The following USP40 variants were observed in gnomAD, a reference collection of about 807,000 sequenced individuals.
The protein encoded by USP40 is ubiquitin carboxyl-terminal hydrolase 40.
USP40 carries 143 observed loss-of-function variants against 166.2 expected under a neutral mutation model. The observed-to-expected ratio is 0.86, with a 90% CI of 0.75 to 0.99. The LOEUF is 0.99. USP40 is among the 50% of genes least tolerant of loss of function. USP40 has a pLI of 0.00. For missense variants in USP40, 1,444 were observed against 1,479.7 expected (o/e 0.98, Z 0.40); for synonymous variants, 498 against 524.0 (o/e 0.95, Z 0.68).
At chr2:233,496,338 G>T (rs1226202269) in intron 24 of USP40, among the ~76,000 whole-genome samples, 1 of 152,208 alleles carries the variant, frequency 6.6e-6, no homozygotes, top group Non-Finnish European at 1.5e-5. Flanking sequence ...CTTTCAAGAG[G>T]TCACACCTTT....
chr2:233,561,087 G>A, intron 3 of USP40: 2 of 1,443,024 alleles, frequency 1.4e-6, no homozygotes, highest in Non-Finnish European at 9.5e-7. Context: ...TTGTGAACAA[G>A]CCACTTAATT....
Position 233,488,354 on chromosome 2 carries a change from T to C in USP40, c.3132-50A>G. ...TATTGAGTGACATAACATTTAATTT[T>C]CTTGAATTTTTTTTCCCCCAATTTT... is the stretch of plus-strand genomic sequence containing the variant. On this transcript the variant is annotated intron_variant, in intron 27 of 31. Coordinates refer to ENST00000678225, the MANE Select transcript of USP40 (RefSeq NM_001365479.2). The C allele has an allele frequency of 2.0e-6, 3 of 1,496,276 alleles. 1 individual carries two copies. In the African/African-American group the frequency reaches 4.3e-5, roughly 21 times the overall value. 92.7% of individuals were successfully genotyped at this position (1,496,276 alleles called of 1,614,324 possible).
intron 31 of USP40, among the ~76,000 whole-genome samples, chr2:233,477,776 C>G (rs2064265895): frequency 6.6e-6 from 1 of 152,260 alleles, no homozygotes; most frequent in Admixed American, 6.5e-5. Flanking sequence ...AAATGCCTCA[C>G]AGCTGAGAAA....
chr2:233,528,130 C>T (rs2068197652), intron 12 of USP40, among the ~76,000 whole-genome samples: 1 of 152,092 alleles, frequency 6.6e-6, no homozygotes, highest in African/African-American at 2.4e-5. Flanking sequence ...ATGTGTGTGC[C>T]ACCATGCCTG....
At chr2:233,517,273 T>TA (rs898619867) in intron 18 of USP40, among the ~76,000 whole-genome samples, 7 of 151,934 alleles carry the variant, frequency 4.6e-5, no homozygotes, top group African/African-American at 1.7e-4. Flanking sequence ...GGAGATTCCT[T>TA]AAAGAACTAA....
At chr2:233,499,691 A>G (rs2065950815) in intron 22 of USP40, among the ~76,000 whole-genome samples, 188 bp downstream of exon 22, 1 of 152,172 alleles carries the variant, frequency 6.6e-6, no homozygotes, top group East Asian at 1.9e-4. Context: ...TCAGAGCTAT[A>G]CCATTAGTTT....
At chr2:233,482,180 A>C (rs1233992754) in intron 30 of USP40, among the ~76,000 whole-genome samples, 1 of 152,180 alleles carries the variant, frequency 6.6e-6, no homozygotes, top group African/African-American at 2.4e-5. Flanking sequence ...ATGATAAGCC[A>C]ATATTATAAT....
Position 233,486,056 on chromosome 2 carries a change from G to A in USP40, c.3198-79C>T, listed in dbSNP as rs2064928688. 7.0e-7 allele frequency: 1 copy of A among 1,430,174 alleles called. No homozygotes were observed. The highest frequency in any genetic ancestry group is 9.3e-7 in the Non-Finnish European group (1 of 1,071,708). 88.6% of individuals were successfully genotyped at this position (1,430,174 alleles called of 1,614,324 possible). On this transcript the variant is annotated intron_variant, in intron 28 of 31. Transcript: ENST00000678225. This position sits in a 1 kb window ranked among gnomAD's most constrained non-coding sequence, Gnocchi z 4.0. The stretch of plus-strand genomic sequence containing the variant: ...GGTAACTTGAGGCATAATGGGCAAA[G>A]CTTCTCCTCCAGCTTTTCTGGTTTT...
At position 233,515,675 on chromosome 2, in the gene USP40, A is replaced by C. The variant is rs573604024; in HGVS notation, c.2384-3053T>G. 3.3e-5 allele frequency among the ~76,000 whole-genome samples: 5 copies of C among 152,248 alleles called. No homozygotes were observed. The South Asian group carries it at 1.0e-3, about 32-fold the overall frequency. ...TTTCAAATGCTTTTTGAAGAGTAGA[A>C]GTTTAAAATTTTAATGTAAATTAAT... On this transcript the variant is annotated intron_variant, in intron 18 of 31. Transcript: ENST00000678225.
intron 16 of USP40, among the ~76,000 whole-genome samples, chr2:233,522,077 T>C (rs1288371335): frequency 6.6e-6 from 1 of 152,144 alleles, no homozygotes; most frequent in African/African-American, 2.4e-5. Context: ...AGGAGCACAG[T>C]TAGGCAAACT....
chr2:233,565,414 A>G lies in USP40; in HGVS notation c.141T>C (p.Gly47=). 6.5e-7 allele frequency: 1 copy of G among 1,537,300 alleles called. No homozygotes were observed. Among genetic ancestry groups the G allele is most frequent in the Non-Finnish European group, 8.7e-7 (1 of 1,146,878 alleles). The change falls in exon 2 of 32, where the codon GGT becomes GGC. Residue 47 remains glycine (G), a synonymous_variant. Coordinates refer to ENST00000678225, the MANE Select transcript of USP40 (RefSeq NM_001365479.2). ...FTNLSGIRNQ[G]GTCYLNSLLQ... ...GAAGGGAATTGAGGTAACAGGTTCC[A>G]CCCTGATTTCTGATTCCGCTTAAAT... is the stretch of plus-strand genomic sequence containing the variant.
intron 24 of USP40, among the ~76,000 whole-genome samples, chr2:233,494,212 A>T (rs1178219153): frequency 3.9e-5 from 6 of 152,228 alleles, no homozygotes; most frequent in Admixed American, 2.6e-4. Context: ...ATTAGTGAAG[A>T]TTAACAAATA....
chr2:233,512,658 C>T, intron 18 of USP40, 36 bp from the exon 19 acceptor site: 1 of 844,798 alleles, frequency 1.2e-6, no homozygotes, highest in Non-Finnish European at 1.6e-6. Context: ...TCTTAGAGAG[C>T]TAGGAATTAA....
chr2:233,553,416 G>A (rs1054999969), intron 6 of USP40, among the ~76,000 whole-genome samples: 6 of 152,130 alleles, frequency 3.9e-5, no homozygotes, highest in Non-Finnish European at 8.8e-5. Flanking sequence ...ATCTCCCTTA[G>A]AACAAATAGA....
intron 2 of USP40, 91 bp from the exon 3 acceptor site, chr2:233,562,894 C>A: frequency 1.1e-6 from 1 of 889,750 alleles, no homozygotes; most frequent in Non-Finnish European, 1.6e-6. Flanking sequence ...TAAGTAAAAT[C>A]AAGTAGATTC....
At chr2:233,526,507 T>C (rs1260938054) in intron 13 of USP40, among the ~76,000 whole-genome samples, 1 of 152,166 alleles carries the variant, frequency 6.6e-6, no homozygotes, top group African/African-American at 2.4e-5. Flanking sequence ...CAACTAAGGT[T>C]AAAAGGGAAA....
chr2:233,508,571 T>A (rs1013058237), intron 21 of USP40, among the ~76,000 whole-genome samples: 6 of 152,240 alleles, frequency 3.9e-5, no homozygotes, highest in African/African-American at 1.4e-4. Flanking sequence ...TTCTATGTTG[T>A]CTGAGTGTTG....
At chr2:233,504,204 C>T (rs2066260499) in intron 21 of USP40, among the ~76,000 whole-genome samples, 1 of 151,966 alleles carries the variant, frequency 6.6e-6, no homozygotes, top group Non-Finnish European at 1.5e-5. Context: ...AGACAACCAT[C>T]AAACCACAGA....
intron 20 of USP40, among the ~76,000 whole-genome samples, chr2:233,511,283 CTG>C (rs1448145577): frequency 2.6e-5 from 4 of 152,138 alleles, no homozygotes; most frequent in East Asian, 1.9e-4. Flanking sequence ...AATTAATAAA[CTG>C]TGTTTCATTC....
Sources: gnomAD v4.1 joint callset for allele counts (sites outside exome capture counted in the v4.1 genomes callset) on GRCh38, gnomAD v4.1.1 for gene constraint, Gnocchi (gnomAD v3.1) non-coding constraint, MANE v1.5 for transcripts, NCBI Gene and HGNC (gene_info 2026-07-23, HGNC 2026-07-21) for gene names.